Variants in CNGB3 observed in about 807,000 individuals in gnomAD.
The protein encoded by CNGB3 is cyclic nucleotide-gated channel beta-3.
In CNGB3, 86 loss-of-function variants were observed where a neutral mutation model predicts 92.8. That is an observed-to-expected ratio of 0.93 (90% confidence interval 0.78 to 1.11). The LOEUF (loss-of-function observed/expected upper bound fraction) is 1.11. Ranked by LOEUF, CNGB3 falls within the 50% of genes least tolerant of loss-of-function variation. The pLI is 0.00. For missense variants in CNGB3, 1,026 were observed against 956.8 expected (o/e 1.07, Z -0.95); for synonymous variants, 333 against 332.7 (o/e 1.00, Z -0.01).
chr8:86,613,879 TATATA>T (rs1367999156), intron 13 of CNGB3, among the ~76,000 whole-genome samples: 3 of 148,006 alleles, frequency 2.0e-5, no homozygotes, highest in Non-Finnish European at 4.5e-5. Flanking sequence ...TATAAGTACA[TATATA>T]ATATAAAAAT....
At chr8:86,692,017 C>T in intron 3 of CNGB3, among the ~76,000 whole-genome samples, 1 of 152,098 alleles carries the variant, frequency 6.6e-6, no homozygotes, top group East Asian at 1.9e-4. Flanking sequence ...ATTTAATTTT[C>T]ATGTATTTGC....
chr8:86,659,104 T>A (rs1823577782), intron 6 of CNGB3: 1 of 743,466 alleles, frequency 1.3e-6, no homozygotes, highest in African/African-American at 1.8e-5. Flanking sequence ...ATCTGTTCCC[T>A]CAGTTTGGCC....
intron 3 of CNGB3, among the ~76,000 whole-genome samples, chr8:86,721,103 A>G (rs984432245): frequency 1.3e-5 from 2 of 151,682 alleles, no homozygotes; most frequent in Non-Finnish European, 2.9e-5. Context: ...AGTAGCTGGG[A>G]TTAGAGGTGC....
At chr8:86,734,773 CT>C (rs1825215859) in intron 2 of CNGB3, among the ~76,000 whole-genome samples, 2 of 152,160 alleles carry the variant, frequency 1.3e-5, no homozygotes, top group Non-Finnish European at 2.9e-5. Flanking sequence ...GCTGAGTAGC[CT>C]CTGACCTCTT....
rs574800928 is a variant in CNGB3 at position 86,575,281 on chromosome 8, T to C, written c.*523A>G. 75 of 152,336 alleles carry C rather than the reference T, an allele frequency of 4.9e-4. No homozygotes were observed. The highest frequency in any genetic ancestry group is 1.8e-3 in the African/African-American group (75 of 41,558). 9.4% of individuals were successfully genotyped at this position (152,336 alleles called of 1,614,324 possible). A position where few individuals can be genotyped will look rare whatever the true frequency, so the allele number is the denominator to read the frequency against. On this transcript the variant is annotated 3_prime_UTR_variant, in exon 18 of 18. Transcript: ENST00000320005. ...TCCCTTCAGTCCCAGCTGCTGGGGA[T>C]TTTTTGATATTACAGTGACTCATCA...
Position 86,659,199 on chromosome 8 carries a change from A to T in CNGB3, c.853-5137T>A, listed in dbSNP as rs1298428230. The stretch of plus-strand genomic sequence containing the variant: ...GTGCACCTGCTCTGACATCGGCTGC[A>T]TCCTCTGCTACCGCATGGCCCTCCC... On this transcript the variant is annotated intron_variant, in intron 6 of 17. Transcript: ENST00000320005. The T allele has an allele frequency of 2.9e-5, 21 of 717,698 alleles. No individual in the cohort carries two copies. The East Asian group carries it at 4.7e-4, about 16-fold the overall frequency. The allele number at this position is 717,698 out of a possible 1,614,324, so 44.5% of individuals were successfully genotyped here.
intron 13 of CNGB3, among the ~76,000 whole-genome samples, chr8:86,613,703 T>G (rs1822561442): frequency 6.6e-6 from 1 of 151,836 alleles, no homozygotes; most frequent in South Asian, 2.1e-4. Flanking sequence ...GCACTAATTT[T>G]TAAGGTTTTA....
At chr8:86,621,386 A>G (rs1822723631) in intron 13 of CNGB3, among the ~76,000 whole-genome samples, 1 of 152,254 alleles carries the variant, frequency 6.6e-6, no homozygotes, top group South Asian at 2.1e-4. Flanking sequence ...GATTTTAAAA[A>G]TAAAACATAC....
intron 3 of CNGB3, among the ~76,000 whole-genome samples, chr8:86,708,776 G>C (rs1824697489): frequency 6.6e-6 from 1 of 151,840 alleles, no homozygotes. Flanking sequence ...TTGCTCTGTT[G>C]CCCAGGCTAG....
intron 2 of CNGB3, among the ~76,000 whole-genome samples, chr8:86,728,350 G>A (rs983555193): frequency 1.6e-4 from 24 of 151,966 alleles, no homozygotes; most frequent in Admixed American, 1.6e-3. Context: ...ACAGATTTCA[G>A]AGTAAAAAAA....
intron 3 of CNGB3, among the ~76,000 whole-genome samples, chr8:86,722,445 T>C (rs1824988744): frequency 6.6e-6 from 1 of 151,988 alleles, no homozygotes; most frequent in African/African-American, 2.4e-5. Context: ...CTTTTGGAGG[T>C]GAAGAGTGGG....
rs368249894 is a variant in CNGB3, at chr8:86,578,835, C to T, written c.1957G>A (p.Ala653Thr). 1.7e-5 allele frequency: 27 copies of T among 1,614,106 alleles called. No individual in the cohort carries two copies. Among genetic ancestry groups the T allele is most frequent in the African/African-American group, 1.6e-4 (12 of 75,020 alleles). Residue 653 changes from alanine (A) to threonine (T), a missense_variant, in exon 17 of 18, where the codon GCA (alanine) becomes ACA (threonine). Physicochemically the swap from Ala to Thr is moderately conservative, Grantham distance 58. Transcript: ENST00000320005. ...TCTTTTCTTGGAGGGGTTGCTTCTG[C>T]GGTCTTAGCCTTCTGCTTTAAAAGC... ...RVLLKQKAKTAEATPPRKDLA... is the reference protein window; with the variant it reads ...RVLLKQKAKTTEATPPRKDLA...
intron 13 of CNGB3, among the ~76,000 whole-genome samples, chr8:86,613,208 A>G (rs912175275): frequency 2.0e-5 from 3 of 152,222 alleles, no homozygotes; most frequent in Non-Finnish European, 2.9e-5. Context: ...TGCTTTGTGC[A>G]AAGTATACAC....
chr8:86,597,442 CATGT>C (rs1822196522), intron 15 of CNGB3, among the ~76,000 whole-genome samples: 1 of 152,108 alleles, frequency 6.6e-6, no homozygotes, highest in East Asian at 1.9e-4. Flanking sequence ...TGCACTAATG[CATGT>C]ATAGTTACAA....
At position 86,739,795 on chromosome 8, in the gene CNGB3, G is replaced by A. The variant is rs374623692; in HGVS notation, c.130-59C>T. 6.4e-6 allele frequency: 10 copies of A among 1,571,572 alleles called. No individual in the cohort carries two copies. The Admixed American group carries it at 6.7e-5, about 11-fold the overall frequency. On this transcript the variant is annotated intron_variant, in intron 1 of 17. Transcript: ENST00000320005. ...AATTTACATAAAAATGAAGTTGAAT[G>A]TAAAACATAACACCATTTTCCACTT...
chr8:86,724,729 G>A (rs896419125), intron 3 of CNGB3, among the ~76,000 whole-genome samples: 1 of 152,136 alleles, frequency 6.6e-6, no homozygotes, highest in South Asian at 2.1e-4. Context: ...AGGAAGTATT[G>A]GTCATATTGT....
At chr8:86,626,978 G>A (rs1025567215) in intron 12 of CNGB3, among the ~76,000 whole-genome samples, 6 of 151,878 alleles carry the variant, frequency 4.0e-5, no homozygotes, top group Admixed American at 1.3e-4. Context: ...CCTATTCATC[G>A]TTTTTCCTGA....
chr8:86,610,618 T>C (rs1337141128), intron 14 of CNGB3, among the ~76,000 whole-genome samples: 1 of 152,220 alleles, frequency 6.6e-6, no homozygotes, highest in Non-Finnish European at 1.5e-5. Context: ...TTTGAAATGA[T>C]AAAAGTGCCT....
intron 15 of CNGB3, among the ~76,000 whole-genome samples, chr8:86,598,138 G>A (rs1051210625): frequency 6.6e-6 from 1 of 152,176 alleles, no homozygotes; most frequent in Non-Finnish European, 1.5e-5. Flanking sequence ...CCTAAAAATG[G>A]CATGAAAACA....
Sources: gnomAD v4.1 joint callset for allele counts (sites outside exome capture counted in the v4.1 genomes callset) on GRCh38, gnomAD v4.1.1 for gene constraint, MANE v1.5 for transcripts, NCBI Gene and HGNC (gene_info 2026-07-23, HGNC 2026-07-21) for gene names.